RNF212B: variants seen among roughly 807,000 people sequenced by gnomAD.
RNF212B encodes the protein E3 ubiquitin-protein ligase RNF212B.
A neutral mutation model predicts 55.5 loss-of-function variants in RNF212B; 52 were observed. The ratio of observed to expected loss-of-function variants is 0.94; its 90% confidence interval spans 0.75 to 1.18. RNF212B has a LOEUF of 1.18. Among genes scored for constraint, RNF212B ranks in the 50% most tolerant of loss-of-function variants. The probability of loss-of-function intolerance (pLI) is 0.00; values close to 1 mark genes in which losing one functional copy is unlikely to be tolerated. For synonymous variants in RNF212B, 99 were observed against 121.4 expected (o/e 0.82, Z 1.21); for missense variants, 289 against 350.4 (o/e 0.82, Z 1.40).
chr14:23,210,776 C>CAAAAAAAAAAA lies in RNF212B; in HGVS notation c.-2+17384_-2+17394dup, dbSNP rs1160221876. On this transcript the variant is annotated intron_variant, in intron 2 of 15. Transcript: ENST00000399910. Reference sequence around the variant, plus strand: ...CAGGTGACAGTGTGAGACTCTGTCTCAAAAAAAAAAAAAAAAAAAGAAATG... The same window carrying CAAAAAAAAAAA: ...CAGGTGACAGTGTGAGACTCTGTCTCAAAAAAAAAAAAAAAAAAAAAAAAAAAAAAGAAATG... 1.7e-3 allele frequency among the ~76,000 whole-genome samples: 104 copies of CAAAAAAAAAAA among 60,774 alleles called. 1 individual carries two copies. The highest frequency in any genetic ancestry group is 2.1e-3 in the Non-Finnish European group (78 of 36,576). The allele number at this position is 60,774 out of a possible 152,430, so 39.9% of individuals were successfully genotyped here. A position where few individuals can be genotyped will look rare whatever the true frequency, so the allele number is the denominator to read the frequency against.
intron 2 of RNF212B, among the ~76,000 whole-genome samples, chr14:23,199,839 G>A (rs1879109660): frequency 6.6e-6 from 1 of 151,984 alleles, no homozygotes; most frequent in Non-Finnish European, 1.5e-5. Context: ...AGTTTAAGTT[G>A]TTTAGTCTCA....
At chr14:23,202,407 T>TA (rs1302480747) in intron 2 of RNF212B, among the ~76,000 whole-genome samples, 1 of 152,216 alleles carries the variant, frequency 6.6e-6, no homozygotes, top group Non-Finnish European at 1.5e-5. Flanking sequence ...AATCGGCCCT[T>TA]ACAATCTTTG....
At chr14:23,225,549 C>A (rs764962656) in intron 2 of RNF212B, among the ~76,000 whole-genome samples, 1 of 151,938 alleles carries the variant, frequency 6.6e-6, no homozygotes, top group Non-Finnish European at 1.5e-5. Flanking sequence ...GTGAAAAAAG[C>A]CAGGCACAGA....
In RNF212B at chr14:23,273,240, C is replaced by CT. The variant is rs1331392835; in HGVS notation, c.*350dup. 5.8e-6 allele frequency: 1 copy of CT among 171,684 alleles called. No individual in the cohort carries two copies. Among genetic ancestry groups the CT allele is most frequent in the Non-Finnish European group, 1.2e-5 (1 of 80,882 alleles). 10.6% of individuals were successfully genotyped at this position (171,684 alleles called of 1,614,324 possible). A position where few individuals can be genotyped will look rare whatever the true frequency, so the allele number is the denominator to read the frequency against. On this transcript the variant is annotated 3_prime_UTR_variant, in exon 15 of 15. Coordinates refer to ENST00000430154, the MANE Select transcript of RNF212B (RefSeq NM_001282322.3). ...ATTGTGATGGATCATATACTCATCA[C>CT]TGTTTCATTTCTGGATTTCATTTTT... is the stretch of plus-strand genomic sequence containing the variant.
intron 2 of RNF212B, among the ~76,000 whole-genome samples, chr14:23,216,925 G>T (rs112319515): frequency 0.014 from 1,778 of 129,262 alleles, 35 homozygotes; most frequent in African/African-American, 0.045. Flanking sequence ...AAAGGTTACA[G>T]ATTGTATGAT....
chr14:23,228,590 A>G (rs1882250658), intron 2 of RNF212B, among the ~76,000 whole-genome samples: 1 of 151,376 alleles, frequency 6.6e-6, no homozygotes, highest in Non-Finnish European at 1.5e-5. Context: ...TCCAGGTTGC[A>G]GTGACTTGTG....
At chr14:23,264,560 G>A in intron 10 of RNF212B, 63 bp from the exon 11 acceptor site, 3 of 1,104,342 alleles carry the variant, frequency 2.7e-6, no homozygotes, top group Middle Eastern at 4.3e-4. Flanking sequence ...AGATAAATAG[G>A]GAATAGGGAA....
At chr14:23,226,679 G>T (rs1016974186) in intron 2 of RNF212B, among the ~76,000 whole-genome samples, 3 of 151,950 alleles carry the variant, frequency 2.0e-5, no homozygotes, top group Non-Finnish European at 4.4e-5. Flanking sequence ...GTGGGTGATG[G>T]TAAGAGATGG....
chr14:23,264,524 C>G, intron 10 of RNF212B, 99 bp from the exon 11 acceptor site: 2 of 912,062 alleles, frequency 2.2e-6, no homozygotes, highest in Non-Finnish European at 3.2e-6. Context: ...TGCAGTAGAA[C>G]AATATATGCT....
intron 2 of RNF212B, among the ~76,000 whole-genome samples, chr14:23,200,472 C>T (rs116426468): frequency 0.01 from 1,574 of 152,056 alleles, 35 homozygotes; most frequent in African/African-American, 0.035. Flanking sequence ...ATTACAGGTG[C>T]GTGCCACTGT....
At chr14:23,252,291 ACT>A (rs1470655584) in intron 4 of RNF212B, among the ~76,000 whole-genome samples, 1 of 151,990 alleles carries the variant, frequency 6.6e-6, no homozygotes, top group African/African-American at 2.4e-5. Context: ...GGTTTTAGTA[ACT>A]CTGTGAGGAA....
intron 2 of RNF212B, among the ~76,000 whole-genome samples, chr14:23,219,218 A>T (rs1881346616): frequency 6.6e-6 from 1 of 152,226 alleles, no homozygotes; most frequent in South Asian, 2.1e-4. Flanking sequence ...AAAGAAAAAG[A>T]TGCTAATGAG....
At chr14:23,186,091 C>A (rs1161613038) in intron 1 of RNF212B, among the ~76,000 whole-genome samples, 1 of 152,036 alleles carries the variant, frequency 6.6e-6, no homozygotes, top group Admixed American at 6.6e-5. Context: ...CAAAGTGAGA[C>A]CCTGTCTTTA....
At position 23,258,579 on chromosome 14, in the gene RNF212B, C is replaced by G; in HGVS notation, c.259C>G (p.Leu87Val). Residue 87 changes from leucine to valine, a missense_variant, in exon 5 of 15, where the codon CTC (leucine) becomes GTC (valine). Coordinates refer to ENST00000430154, the MANE Select transcript of RNF212B (RefSeq NM_001282322.3). ...VWSFQKKQTD[L>V]LIAFYKHRIT... ...GAGTTTCCAGAAGAAACAAACAGAT[C>G]TCCTCATCGCCTTTTATAAGCATAG... 6.5e-7 allele frequency: 1 copy of G among 1,541,044 alleles called. No individual in the cohort carries two copies. Among genetic ancestry groups the G allele is most frequent in the Non-Finnish European group, 8.8e-7 (1 of 1,142,486 alleles).
intron 2 of RNF212B, among the ~76,000 whole-genome samples, chr14:23,201,937 A>G (rs960602747): frequency 2.6e-5 from 4 of 152,180 alleles, no homozygotes; most frequent in African/African-American, 7.2e-5. Context: ...TAAACCTTTT[A>G]TAACCTTTAT....
chr14:23,219,616 C>T lies in RNF212B; in HGVS notation c.-1-20729C>T, dbSNP rs181458827. Among the ~76,000 whole-genome samples, 264 of 151,806 alleles carry T rather than the reference C, an allele frequency of 1.7e-3. 1 individual carries two copies. Among genetic ancestry groups the T allele is most frequent in the African/African-American group, 5.9e-3 (246 of 41,404 alleles). Reference sequence around the variant, plus strand: ...CCTCCCAAGTAGCTGGAATGATAGGCGTGCACCACCATGCCCAGCTAATTT... The same window carrying T: ...CCTCCCAAGTAGCTGGAATGATAGGTGTGCACCACCATGCCCAGCTAATTT... On this transcript the variant is annotated intron_variant, in intron 2 of 15. Transcript: ENST00000399910.
At chr14:23,239,627 C>CT (rs914834623) in intron 1 of RNF212B, among the ~76,000 whole-genome samples, 26 of 148,866 alleles carry the variant, frequency 1.7e-4, no homozygotes, top group Middle Eastern at 3.5e-3. Context: ...TTTTCTTTTT[C>CT]TTTTTTTTTG....
At chr14:23,215,401 CT>C (rs910946443) in intron 2 of RNF212B, among the ~76,000 whole-genome samples, 4 of 152,118 alleles carry the variant, frequency 2.6e-5, no homozygotes, top group African/African-American at 9.7e-5. Flanking sequence ...CAGTGTATTT[CT>C]CCTTAGAAAC....
intron 2 of RNF212B, among the ~76,000 whole-genome samples, chr14:23,226,324 A>C (rs1882012451): frequency 6.9e-6 from 1 of 145,470 alleles, no homozygotes; most frequent in Admixed American, 7.0e-5. Context: ...AAATTAAATA[A>C]ATAAATAAAT....
Sources: gnomAD v4.1 joint callset for allele counts (sites outside exome capture counted in the v4.1 genomes callset) on GRCh38, gnomAD v4.1.1 for gene constraint, MANE v1.5 for transcripts, NCBI Gene and HGNC (gene_info 2026-07-23, HGNC 2026-07-21) for gene names.